ARFIP1: variants seen among roughly 807,000 people sequenced by gnomAD.
ARFIP1 encodes the protein arfaptin-1.
A neutral mutation model predicts 42.5 loss-of-function variants in ARFIP1; 24 were observed. That is an observed-to-expected ratio of 0.57 (90% confidence interval 0.41 to 0.80). The LOEUF (loss-of-function observed/expected upper bound fraction) is 0.80. Ranked by LOEUF, ARFIP1 falls within the 30% of genes least tolerant of loss-of-function variation. The probability of loss-of-function intolerance (pLI) is 0.00; values close to 1 mark genes in which losing one functional copy is unlikely to be tolerated. For missense variants in ARFIP1, 354 were observed against 434.0 expected, an observed-to-expected ratio of 0.82 and a Z score of 1.64; for synonymous variants, 141 against 153.7, an observed-to-expected ratio of 0.92 and a Z score of 0.61.
chr4:152,816,120 A>T (rs1235104474), intron 1 of ARFIP1, among the ~76,000 whole-genome samples: 1 of 152,148 alleles, frequency 6.6e-6, no homozygotes, highest in Non-Finnish European at 1.5e-5. Context: ...AGACTATTCC[A>T]GTAGGCTCCT....
intron 8 of ARFIP1, among the ~76,000 whole-genome samples, chr4:152,897,846 G>A (rs1737474092): frequency 6.6e-6 from 1 of 152,106 alleles, no homozygotes; most frequent in Non-Finnish European, 1.5e-5. Flanking sequence ...GCTTATGGCT[G>A]TGACTTTGCT....
At chr4:152,853,332 G>A (rs181684319) in intron 2 of ARFIP1, among the ~76,000 whole-genome samples, 16 of 152,260 alleles carry the variant, frequency 1.1e-4, no homozygotes, top group African/African-American at 2.9e-4. Context: ...TTAGCGCTCC[G>A]TTGAGCATTT....
intron 2 of ARFIP1, among the ~76,000 whole-genome samples, chr4:152,846,014 A>T (rs537262199): frequency 1.3e-5 from 2 of 152,344 alleles, no homozygotes; most frequent in East Asian, 3.9e-4. Flanking sequence ...GTGCAGCCAT[A>T]AAAAAGAACA....
intron 8 of ARFIP1, among the ~76,000 whole-genome samples, chr4:152,903,243 G>T (rs191539498): frequency 2.3e-4 from 35 of 152,196 alleles, no homozygotes; most frequent in African/African-American, 7.9e-4. Context: ...TCATATTGAG[G>T]ATTGTTCATT....
chr4:152,842,959 T>C (rs1248491830), intron 2 of ARFIP1, among the ~76,000 whole-genome samples: 1 of 152,138 alleles, frequency 6.6e-6, no homozygotes, highest in Non-Finnish European at 1.5e-5. Flanking sequence ...GCTGGTGAAC[T>C]TGTGTGATTT....
intron 1 of ARFIP1, among the ~76,000 whole-genome samples, chr4:152,824,223 G>A (rs1262986832): frequency 1.3e-5 from 2 of 151,482 alleles, no homozygotes; most frequent in South Asian, 2.1e-4. Flanking sequence ...TGAGGCAGGA[G>A]AATCACTTGA....
intron 5 of ARFIP1, among the ~76,000 whole-genome samples, chr4:152,878,202 T>C (rs1337995615): frequency 6.6e-6 from 1 of 152,208 alleles, no homozygotes; most frequent in African/African-American, 2.4e-5. Context: ...TCAAAATGAA[T>C]TTTTCATTTA....
chr4:152,877,211 C>T (rs115540661), intron 5 of ARFIP1, among the ~76,000 whole-genome samples: 7,062 of 152,196 alleles, frequency 0.046, 551 homozygotes, highest in African/African-American at 0.16. Flanking sequence ...AGACATTCAA[C>T]GCCAGCCCAT....
chr4:152,864,797 G>A (rs1413470738), intron 3 of ARFIP1, among the ~76,000 whole-genome samples: 1 of 152,104 alleles, frequency 6.6e-6, no homozygotes, highest in East Asian at 1.9e-4. Context: ...TTTAAGGATA[G>A]CAGTTAGACC....
chr4:152,789,890 C>A (rs1732878676), intron 1 of ARFIP1, among the ~76,000 whole-genome samples: 1 of 152,174 alleles, frequency 6.6e-6, no homozygotes, highest in South Asian at 2.1e-4. Flanking sequence ...ATGCTCTAGG[C>A]TCACCTTGTG....
chr4:152,819,984 A>C (rs1355744789), intron 1 of ARFIP1, among the ~76,000 whole-genome samples: 4 of 152,068 alleles, frequency 2.6e-5, no homozygotes, highest in African/African-American at 9.7e-5. Flanking sequence ...GTGGAGTCAC[A>C]ACTCTTCTGT....
At chr4:152,894,138 G>A (rs1464665075) in intron 8 of ARFIP1, among the ~76,000 whole-genome samples, 1 of 151,164 alleles carries the variant, frequency 6.6e-6, no homozygotes, top group Non-Finnish European at 1.5e-5. Context: ...AACCTGGGAG[G>A]CGGAGGTTGC....
intron 1 of ARFIP1, among the ~76,000 whole-genome samples, chr4:152,824,856 A>G (rs1458871786): frequency 6.6e-6 from 1 of 152,168 alleles, no homozygotes; most frequent in Non-Finnish European, 1.5e-5. Flanking sequence ...AGTATACAAA[A>G]TCAGTGTACA....
At chr4:152,787,644 G>T (rs890159124) in intron 1 of ARFIP1, among the ~76,000 whole-genome samples, 1 of 152,314 alleles carries the variant, frequency 6.6e-6, no homozygotes, top group Non-Finnish European at 1.5e-5. Context: ...TGACACCTTT[G>T]CTTTTGGATG....
chr4:152,843,990 G>A (rs1439913897), intron 2 of ARFIP1, among the ~76,000 whole-genome samples: 5 of 152,144 alleles, frequency 3.3e-5, no homozygotes, highest in Non-Finnish European at 7.3e-5. Context: ...CCTTCTCACT[G>A]TGGAGTTTTA....
chr4:152,815,294 T>C (rs1289332486), intron 1 of ARFIP1, among the ~76,000 whole-genome samples: 1 of 152,182 alleles, frequency 6.6e-6, no homozygotes. Context: ...AATTGAGTAG[T>C]TGCAACAGAG....
chr4:152,793,001 T>C (rs1731224851), intron 1 of ARFIP1, among the ~76,000 whole-genome samples: 1 of 152,124 alleles, frequency 6.6e-6, no homozygotes, highest in African/African-American at 2.4e-5. Flanking sequence ...CATTTTGGCC[T>C]CCAATATAAC....
intron 1 of ARFIP1, among the ~76,000 whole-genome samples, chr4:152,795,323 C>A (rs1333041116): frequency 6.6e-6 from 1 of 152,018 alleles, no homozygotes; most frequent in East Asian, 1.9e-4. Context: ...TCCTGGAAAT[C>A]ACTTCATATT....
At chr4:152,783,024 T>A (rs1000911045) in intron 1 of ARFIP1, among the ~76,000 whole-genome samples, 1 of 152,126 alleles carries the variant, frequency 6.6e-6, no homozygotes, top group Non-Finnish European at 1.5e-5. Flanking sequence ...GAGAATAGCG[T>A]ATGCTAGGCT....
Sources: gnomAD v4.1 joint callset for allele counts (sites outside exome capture counted in the v4.1 genomes callset) on GRCh38, gnomAD v4.1.1 for gene constraint, MANE v1.5 for transcripts, NCBI Gene and HGNC (gene_info 2026-07-23, HGNC 2026-07-21) for gene names.